CLVS1: variants seen among roughly 807,000 people sequenced by gnomAD.
CLVS1 encodes clavesin 1.
A neutral mutation model predicts 33.1 loss-of-function variants in CLVS1; 10 were observed. The observed-to-expected ratio is 0.30, with a 90% confidence interval of 0.19 to 0.51. The LOEUF (loss-of-function observed/expected upper bound fraction) is 0.51. Ranked by LOEUF, CLVS1 falls within the 20% of genes least tolerant of loss-of-function variation. The pLI is 0.97. For synonymous variants in CLVS1, 163 were observed against 166.1 expected (o/e 0.98, Z 0.14); for missense variants, 343 against 433.4 (o/e 0.79, Z 1.85).
Position 61,501,177 on chromosome 8 carries a change from A to ACTT in CLVS1, c.*1636_*1638dup, listed in dbSNP as rs531008812. On this transcript the variant is annotated 3_prime_UTR_variant, in exon 6 of 6. Transcript: ENST00000325897. ...ATTCTACCAATGCAGTGATGGAAAC[A>ACTT]CTTTTCTTATGTACCAAGACATAGA... 8.5e-5 allele frequency: 13 copies of ACTT among 152,206 alleles called. No homozygotes were observed. The highest frequency in any genetic ancestry group is 1.2e-4 in the Non-Finnish European group (8 of 68,016). The allele number at this position is 152,206 out of a possible 1,614,324, so 9.4% of individuals were successfully genotyped here.
At chr8:61,289,440 A>C (rs1475137138) in intron 1 of CLVS1, among the ~76,000 whole-genome samples, 1 of 152,248 alleles carries the variant, frequency 6.6e-6, no homozygotes, top group Non-Finnish European at 1.5e-5. Flanking sequence ...CAAGCACCAG[A>C]AAATAAGTGC....
At chr8:61,189,786 A>G (rs1807429285) in intron 2 of CLVS1, among the ~76,000 whole-genome samples, 1 of 152,238 alleles carries the variant, frequency 6.6e-6, no homozygotes, top group Non-Finnish European at 1.5e-5. Flanking sequence ...AGTCCATTAC[A>G]TAATGGTAAA....
chr8:61,487,497 A>C (rs934357334), intron 5 of CLVS1, among the ~76,000 whole-genome samples: 3 of 152,208 alleles, frequency 2.0e-5, no homozygotes, highest in African/African-American at 7.2e-5. Context: ...TTCTCACACT[A>C]TTTGTGTATT....
intron 5 of CLVS1, among the ~76,000 whole-genome samples, chr8:61,491,492 A>G (rs1586054130): frequency 6.6e-6 from 1 of 152,380 alleles, no homozygotes; most frequent in African/African-American, 2.4e-5. Context: ...CTTATTTTTT[A>G]AGTAGTTTAT....
the CLVS1 span, among the ~76,000 whole-genome samples, chr8:61,033,596 G>A: frequency 1.2e-3 from 181 of 152,298 alleles, no homozygotes; most frequent in Middle Eastern, 0.014. Flanking sequence ...CTGCCTCCAC[G>A]GACTTGTGCC....
At chr8:61,143,956 A>G (rs902882854) in intron 2 of CLVS1, among the ~76,000 whole-genome samples, 1 of 150,862 alleles carries the variant, frequency 6.6e-6, no homozygotes, top group Non-Finnish European at 1.5e-5. Flanking sequence ...AAGCAAATTA[A>G]TAGCATTCTT....
intron 2 of CLVS1, among the ~76,000 whole-genome samples, chr8:61,212,746 A>G (rs1807998039): frequency 6.6e-6 from 1 of 152,140 alleles, no homozygotes; most frequent in Non-Finnish European, 1.5e-5. Flanking sequence ...AAGACAGAAG[A>G]TGGGGAGCTG....
chr8:61,461,108 A>G (rs1307897891), intron 5 of CLVS1, among the ~76,000 whole-genome samples: 1 of 152,240 alleles, frequency 6.6e-6, no homozygotes, highest in African/African-American at 2.4e-5. Flanking sequence ...TGGTTGGTCC[A>G]TGAACAAGAT....
the CLVS1 span, among the ~76,000 whole-genome samples, chr8:61,024,175 G>A: frequency 1.3e-5 from 2 of 152,160 alleles, no homozygotes; most frequent in African/African-American, 4.8e-5. Context: ...TTTTTAAAAA[G>A]TATTTTACTT....
intron 5 of CLVS1, among the ~76,000 whole-genome samples, chr8:61,462,577 G>A (rs965197634): frequency 2.6e-5 from 4 of 152,032 alleles, no homozygotes; most frequent in Admixed American, 6.6e-5. Context: ...TGTTGTGCTG[G>A]GCATGAAAAC....
At position 61,350,102 on chromosome 8, in the gene CLVS1, T is replaced by C. The variant is rs189030000; in HGVS notation, c.456-26503T>C. Among the ~76,000 whole-genome samples the C allele has an allele frequency of 3.9e-5, 6 of 152,260 alleles. No individual in the cohort carries two copies. The East Asian group carries it at 1.2e-3, about 29-fold the overall frequency. ...ATTTCAGTTAGATAAAAGGGATAAG[T>C]CCAAGATATCTGTTATACAACACAT... On this transcript the variant is annotated intron_variant, in intron 2 of 5. Coordinates refer to ENST00000325897, the MANE Select transcript of CLVS1 (RefSeq NM_173519.3).
At chr8:61,263,440 C>T (rs895354423) in intron 2 of CLVS1, among the ~76,000 whole-genome samples, 6 of 151,968 alleles carry the variant, frequency 3.9e-5, no homozygotes, top group Non-Finnish European at 4.4e-5. Context: ...ATAATGAAGC[C>T]CCACTGGGTA....
At chr8:60,991,304 T>C in the CLVS1 span, among the ~76,000 whole-genome samples, 1 of 152,186 alleles carries the variant, frequency 6.6e-6, no homozygotes, top group Non-Finnish European at 1.5e-5. Context: ...GCTCTAGTCA[T>C]ATGTGTATAG....
chr8:61,421,315 G>A (rs753682959), intron 3 of CLVS1, among the ~76,000 whole-genome samples: 4 of 152,154 alleles, frequency 2.6e-5, no homozygotes, highest in Non-Finnish European at 5.9e-5. Flanking sequence ...AGTGGGCCTG[G>A]TGAGGAGTAT....
chr8:61,160,130 G>A (rs16926962), intron 2 of CLVS1, among the ~76,000 whole-genome samples: 2,608 of 152,212 alleles, frequency 0.017, 78 homozygotes, highest in African/African-American at 0.06. Flanking sequence ...GGACAGATTA[G>A]GTCTTCAGAT....
At chr8:61,169,306 C>T (rs139060594) in intron 2 of CLVS1, among the ~76,000 whole-genome samples, 1 of 152,138 alleles carries the variant, frequency 6.6e-6, no homozygotes, top group Non-Finnish European at 1.5e-5. Context: ...TTTAACCTTA[C>T]CTTTTTGTGC....
chr8:60,967,676 G>C, the CLVS1 span: 174 of 455,830 alleles, frequency 3.8e-4, no homozygotes, highest in Non-Finnish European at 6.4e-4. Context: ...ACGTTTTCAG[G>C]CCTCTCCTGC....
intron 3 of CLVS1, among the ~76,000 whole-genome samples, chr8:61,418,825 C>T (rs896213854): frequency 2.6e-5 from 4 of 152,140 alleles, no homozygotes; most frequent in Non-Finnish European, 4.4e-5. Flanking sequence ...TGATTGAACA[C>T]GAGTAAGTCA....
chr8:61,434,498 A>G (rs559909833), intron 3 of CLVS1, among the ~76,000 whole-genome samples: 1 of 152,318 alleles, frequency 6.6e-6, no homozygotes, highest in East Asian at 1.9e-4. Context: ...TGGTTGGGGT[A>G]TAGCTTAGTT....
Sources: allele counts gnomAD v4.1 joint callset (sites outside exome capture counted in the v4.1 genomes callset), GRCh38; gene constraint gnomAD v4.1.1; transcripts MANE v1.5; gene names NCBI Gene and HGNC (gene_info 2026-07-23, HGNC 2026-07-21).